The following DNM2 variants were observed in gnomAD, a reference collection of about 807,000 sequenced individuals.
DNM2 encodes the protein dynamin 2, also known as dynamin-2.
A neutral mutation model predicts 99.0 loss-of-function variants in DNM2; 15 were observed. The observed-to-expected ratio is 0.15, with a 90% CI of 0.10 to 0.23. DNM2 has a LOEUF of 0.23. Ranked by LOEUF, DNM2 falls within the 10% of genes least tolerant of loss-of-function variation. DNM2 has a pLI of 1.00. For missense variants in DNM2, 742 were observed against 1,189.4 expected, an observed-to-expected ratio of 0.62 and a Z score of 5.53; for synonymous variants, 525 against 481.2, an observed-to-expected ratio of 1.09 and a Z score of -1.19.
chr19:10,721,011 C>T (rs2068920511), intron 1 of DNM2, among the ~76,000 whole-genome samples: 1 of 152,064 alleles, frequency 6.6e-6, no homozygotes. Flanking sequence ...GGGTTGGGAA[C>T]CTGGGTCTCT....
intron 1 of DNM2, among the ~76,000 whole-genome samples, chr19:10,735,308 G>A (rs1444101303): frequency 1.3e-5 from 2 of 152,138 alleles, no homozygotes; most frequent in East Asian, 1.9e-4. Flanking sequence ...AGAGTGCTGG[G>A]ATTACAGGCG....
At position 10,802,606 on chromosome 19, in the gene DNM2, T is replaced by C. The variant is rs2072192371; in HGVS notation, c.1493+248T>C. On this transcript the variant is annotated intron_variant, in intron 12 of 20. Transcript: ENST00000389253. ...TTAGTTTAGGGAGAGGGCAGTGCTA[T>C]GTTCAGATCTGCAGGGAGAGGGGGA... 4 of 560,958 alleles carry C rather than the reference T, an allele frequency of 7.1e-6. No homozygotes were observed. In the East Asian group the frequency reaches 1.3e-4, roughly 18 times the overall value. 34.7% of individuals were successfully genotyped at this position (560,958 alleles called of 1,614,324 possible). A position where few individuals can be genotyped will look rare whatever the true frequency, so the allele number is the denominator to read the frequency against.
chr19:10,783,680 T>C (rs1254620307), intron 6 of DNM2, among the ~76,000 whole-genome samples: 37 of 130,122 alleles, frequency 2.8e-4, no homozygotes, highest in African/African-American at 1.1e-3. Flanking sequence ...TTTTATTTAT[T>C]ATTATTATTA....
At chr19:10,734,638 C>CA (rs61458566) in intron 1 of DNM2, among the ~76,000 whole-genome samples, 3,121 of 58,122 alleles carry the variant, frequency 0.054, 241 homozygotes, top group East Asian at 0.25. Flanking sequence ...GACCCTGTCT[C>CA]AAAAAAAAAA....
chr19:10,749,908 C>T (rs1452432525), intron 1 of DNM2, among the ~76,000 whole-genome samples: 2 of 152,168 alleles, frequency 1.3e-5, no homozygotes, highest in Non-Finnish European at 2.9e-5. Flanking sequence ...GGGAGGGTTT[C>T]CTGGCAGAGG....
At chr19:10,731,471 G>A (rs1397637132) in intron 1 of DNM2, among the ~76,000 whole-genome samples, 2 of 151,516 alleles carry the variant, frequency 1.3e-5, no homozygotes, top group East Asian at 3.9e-4. Flanking sequence ...TCCTGCCTCA[G>A]CCTCCTGAGT....
intron 14 of DNM2, 168 bp downstream of exon 14, chr19:10,808,748 C>A: frequency 2.7e-6 from 2 of 743,480 alleles, no homozygotes; most frequent in Non-Finnish European, 4.3e-6. Flanking sequence ...CTGCACGTTG[C>A]CCTGGGTATA....
intron 10 of DNM2, among the ~76,000 whole-genome samples, chr19:10,798,110 C>A (rs2072002333): frequency 6.6e-6 from 1 of 152,184 alleles, no homozygotes; most frequent in Admixed American, 6.5e-5. Context: ...AGAACAGACG[C>A]TACTCACTCA....
intron 1 of DNM2, among the ~76,000 whole-genome samples, chr19:10,737,918 C>T (rs2069588311): frequency 6.6e-6 from 1 of 152,226 alleles, no homozygotes; most frequent in South Asian, 2.1e-4. Flanking sequence ...ACCCATCTCC[C>T]TCTCGGGATG....
At chr19:10,823,725 C>A in intron 16 of DNM2, 63 bp from the exon 17 acceptor site, 3 of 1,529,056 alleles carry the variant, frequency 2.0e-6, no homozygotes, top group Admixed American at 1.7e-5. Context: ...CCATTCCTCT[C>A]GGCAGTCTGC....
chr19:10,789,835 A>C (rs2040393095), intron 7 of DNM2, among the ~76,000 whole-genome samples: 1 of 152,214 alleles, frequency 6.6e-6, no homozygotes, highest in African/African-American at 2.4e-5. Flanking sequence ...ACTGTATCTC[A>C]AAAATAAATA....
In DNM2 at chr19:10,786,600, C is replaced by G. The variant is rs2071568166; in HGVS notation, c.886C>G (p.Leu296Val). 6.2e-7 allele frequency: 1 copy of G among 1,614,056 alleles called. No individual in the cohort carries two copies. The highest frequency in any genetic ancestry group is 1.3e-5 in the African/African-American group (1 of 74,912). The change falls in exon 7 of 21, where the codon CTA becomes GTA. Residue 296 changes from leucine to valine, a missense_variant. By Grantham distance (32) the Leu-to-Val change is conservative (BLOSUM62 1). Transcript: ENST00000389253. ...TNHIRESLPA[L>V]RSKLQSQLLS... ...CCACATCCGGGAGTCGCTGCCGGCC[C>G]TACGTAGCAAACTACAGAGCCAGCT...
In DNM2 at chr19:10,817,604, A is replaced by G. The variant is rs2072798329; in HGVS notation, c.1672-2376A>G. On this transcript the variant is annotated intron_variant, in intron 15 of 20. Transcript: ENST00000389253. This position sits in a 1 kb window ranked among gnomAD's most constrained non-coding sequence, Gnocchi z 4.6. ...GCCAAGGAAACCACCACTCTTCCCG[A>G]GACGATCCGCTCTGTCCCTTCTGAC... The G allele has an allele frequency of 5.9e-6, 2 of 339,068 alleles. No homozygotes were observed. The highest frequency in any genetic ancestry group is 8.1e-4 in the Middle Eastern group (1 of 1,236). The allele number at this position is 339,068 out of a possible 1,614,324, so 21.0% of individuals were successfully genotyped here. A position where few individuals can be genotyped will look rare whatever the true frequency, so the allele number is the denominator to read the frequency against.
At chr19:10,726,354 C>T (rs8112837) in intron 1 of DNM2, among the ~76,000 whole-genome samples, 11,577 of 151,902 alleles carry the variant, frequency 0.076, 454 homozygotes, top group Middle Eastern at 0.11. Context: ...AGCCGCCGAA[C>T]CCGGCCTTAG....
At chr19:10,744,729 C>A (rs576504318) in intron 1 of DNM2, among the ~76,000 whole-genome samples, 1 of 152,138 alleles carries the variant, frequency 6.6e-6, no homozygotes, top group South Asian at 2.1e-4. Context: ...TCACCACAAC[C>A]GTTTTACAGA....
intron 11 of DNM2, 69 bp from the exon 12 acceptor site, chr19:10,802,219 A>G: frequency 6.5e-7 from 1 of 1,548,388 alleles, no homozygotes. Context: ...AGGCCAGGAA[A>G]TGCTCTTGCC....
At chr19:10,740,451 C>T (rs1042737198) in intron 1 of DNM2, among the ~76,000 whole-genome samples, 3 of 151,944 alleles carry the variant, frequency 2.0e-5, no homozygotes, top group Non-Finnish European at 4.4e-5. Context: ...TCTTGGCTCA[C>T]TGCAAGCTCC....
intron 1 of DNM2, among the ~76,000 whole-genome samples, chr19:10,757,436 C>T (rs922093939): frequency 7.2e-5 from 11 of 152,178 alleles, no homozygotes. Context: ...AGCTGAGAAA[C>T]AGGTCTTCTG....
chr19:10,831,095 C>A lies in DNM2; in HGVS notation c.*48C>A. 1 of 1,551,750 alleles carries A rather than the reference C, an allele frequency of 6.4e-7. No homozygotes were observed. The highest frequency in any genetic ancestry group is 8.7e-7 in the Non-Finnish European group (1 of 1,148,544). ...GGGGGGGCCTCACGCACCCGCGGCG[C>A]AGGAGCTTCAGTGGTCTGGGGCCCT... On this transcript the variant is annotated 3_prime_UTR_variant, in exon 21 of 21. Coordinates refer to ENST00000389253, the MANE Select transcript of DNM2 (RefSeq NM_001005361.3). This position sits in a 1 kb window ranked among gnomAD's most constrained non-coding sequence, Gnocchi z 4.3.
Sources: gnomAD v4.1 joint callset for allele counts (sites outside exome capture counted in the v4.1 genomes callset) on GRCh38, gnomAD v4.1.1 for gene constraint, Gnocchi (gnomAD v3.1) non-coding constraint, MANE v1.5 for transcripts, NCBI Gene and HGNC (gene_info 2026-07-23, HGNC 2026-07-21) for gene names.